VWA3B: variants seen among roughly 807,000 people sequenced by gnomAD.
VWA3B encodes von Willebrand factor A domain containing 3B, also known as von Willebrand factor A domain-containing protein 3B.
A neutral mutation model predicts 158.3 loss-of-function variants in VWA3B; 138 were observed. That is an observed-to-expected ratio of 0.87 (90% CI 0.76 to 1.00). VWA3B has a LOEUF of 1.00. Ranked by LOEUF, VWA3B falls within the 50% of genes least tolerant of loss-of-function variation. VWA3B has a pLI of 0.00. For missense variants in VWA3B, 1,555 were observed against 1,565.1 expected, an observed-to-expected ratio of 0.99 and a Z score of 0.11; for synonymous variants, 596 against 587.3, an observed-to-expected ratio of 1.01 and a Z score of -0.21.
chr2:98,321,678 CA>C, the VWA3B span, among the ~76,000 whole-genome samples: 7 of 152,224 alleles, frequency 4.6e-5, no homozygotes, highest in African/African-American at 1.7e-4. Context: ...TTTGATTATA[CA>C]GGCTCTCAGG....
chr2:98,167,259 T>G, intron 8 of VWA3B, among the ~76,000 whole-genome samples: 1 of 152,030 alleles, frequency 6.6e-6, no homozygotes, highest in East Asian at 1.9e-4. Context: ...AAATGTCTCA[T>G]GAGTCTGGTG....
At chr2:98,162,205 C>T (rs921288784) in intron 7 of VWA3B, among the ~76,000 whole-genome samples, 2 of 124,928 alleles carry the variant, frequency 1.6e-5, no homozygotes, top group Non-Finnish European at 3.2e-5. Flanking sequence ...TCTGTTAGAG[C>T]CTGGATCTCG....
intron 7 of VWA3B, among the ~76,000 whole-genome samples, chr2:98,152,729 G>A (rs902037770): frequency 1.3e-5 from 2 of 152,202 alleles, no homozygotes; most frequent in African/African-American, 2.4e-5. Flanking sequence ...GATGCATCTA[G>A]CTCAGGATCT....
chr2:98,245,610 C>T (rs1341220608), intron 19 of VWA3B: 3 of 456,730 alleles, frequency 6.6e-6, no homozygotes, highest in Admixed American at 4.7e-5. Flanking sequence ...GGAAGTAGAA[C>T]ACTAAGCAGT....
intron 11 of VWA3B, among the ~76,000 whole-genome samples, chr2:98,193,663 C>G (rs985978898): frequency 6.6e-6 from 1 of 151,464 alleles, no homozygotes; most frequent in Non-Finnish European, 1.5e-5. Context: ...TGGTGCCAAC[C>G]CGGCTCACTG....
chr2:98,316,958 T>C (rs1213770011), downstream of VWA3B, among the ~76,000 whole-genome samples: 1 of 152,216 alleles, frequency 6.6e-6, no homozygotes, highest in Non-Finnish European at 1.5e-5. Flanking sequence ...CATGAGCCAA[T>C]TAAACCTCTT....
chr2:98,137,918 C>T (rs528317664), intron 7 of VWA3B, among the ~76,000 whole-genome samples: 1 of 152,236 alleles, frequency 6.6e-6, no homozygotes, highest in East Asian at 1.9e-4. Context: ...AAAAACATTC[C>T]TACTTTTTAA....
chr2:98,313,687 A>G (rs563709109), downstream of VWA3B, among the ~76,000 whole-genome samples: 33 of 152,358 alleles, frequency 2.2e-4, no homozygotes, highest in Admixed American at 5.2e-4. Context: ...AGATGCCAGC[A>G]GACTTGGAAG....
intron 22 of VWA3B, among the ~76,000 whole-genome samples, chr2:98,276,614 G>T (rs1688538688): frequency 1.3e-5 from 2 of 152,022 alleles, no homozygotes; most frequent in African/African-American, 4.8e-5. Flanking sequence ...ACTGCGTTTG[G>T]AGTGGGCTGC....
chr2:98,245,192 C>T (rs1410235017), intron 19 of VWA3B, among the ~76,000 whole-genome samples: 2 of 152,010 alleles, frequency 1.3e-5, no homozygotes, highest in Non-Finnish European at 2.9e-5. Flanking sequence ...TGCATTATAA[C>T]AGTAACAAGT....
chr2:98,181,641 G>A lies in VWA3B; in HGVS notation c.1311+429G>A, dbSNP rs1680588555. Among the ~76,000 whole-genome samples, 4 of 152,140 alleles carry A rather than the reference G, an allele frequency of 2.6e-5. No individual in the cohort carries two copies. In the South Asian group the frequency reaches 6.2e-4, roughly 24 times the overall value. On this transcript the variant is annotated intron_variant, in intron 9 of 27. Transcript: ENST00000477737. Reference sequence around the variant, plus strand: ...TCCAGTGACTAGCAGCCAGCATACAGCGCAATCCCAGCAAATAAGGAGTCA... The same window carrying A: ...TCCAGTGACTAGCAGCCAGCATACAACGCAATCCCAGCAAATAAGGAGTCA...
intron 8 of VWA3B, among the ~76,000 whole-genome samples, chr2:98,169,715 C>CTGTGTGTGTG (rs61535424): frequency 1.1e-4 from 15 of 134,334 alleles, no homozygotes; most frequent in African/African-American, 2.7e-4. Context: ...CCTGGGCATT[C>CTGTGTGTGTG]TGTGTGTGTG....
Position 98,187,950 on chromosome 2 carries a change from C to T in VWA3B, c.1312-25C>T, listed in dbSNP as rs769640391. 83 of 1,579,668 alleles carry T rather than the reference C, an allele frequency of 5.3e-5. 3 individuals are homozygous for T. The South Asian group carries it at 9.6e-4, about 18-fold the overall frequency. ...TTCTCTTTGGACAGTTTCTGAGTGG[C>T]TTCTGTCCTTTGTCATCTCCTTAGG... On this transcript the variant is annotated intron_variant, in intron 9 of 27. Transcript: ENST00000477737.
chr2:98,149,301 CACAA>C (rs1677425301), intron 7 of VWA3B, among the ~76,000 whole-genome samples: 1 of 152,126 alleles, frequency 6.6e-6, no homozygotes, highest in Admixed American at 6.5e-5. Context: ...GGACAAAACT[CACAA>C]ACAAAGCAAG....
chr2:98,270,760 C>A lies in VWA3B; in HGVS notation c.2922C>A (p.Pro974=). ...AGGCTTTAGAACGGTTGAATTGGCC[C>A]ATTTCACTGAAAGAGCTGTCGATGC... ...LNQALERLNW[P]ISLKELSMLE... The change falls in exon 22 of 28, where the codon CCC becomes CCA. Residue 974 remains proline, a synonymous_variant. Transcript: ENST00000477737. 6.2e-7 allele frequency: 1 copy of A among 1,614,138 alleles called. No individual in the cohort carries two copies. Among genetic ancestry groups the A allele is most frequent in the Non-Finnish European group, 8.5e-7 (1 of 1,179,998 alleles).
intron 13 of VWA3B, among the ~76,000 whole-genome samples, chr2:98,216,482 AG>A (rs1484263868): frequency 6.6e-6 from 1 of 152,266 alleles, no homozygotes; most frequent in Non-Finnish European, 1.5e-5. Flanking sequence ...AGGTTGGGGA[AG>A]GTGCAGGGTG....
At chr2:98,319,601 C>G in the VWA3B span, among the ~76,000 whole-genome samples, 1 of 152,112 alleles carries the variant, frequency 6.6e-6, no homozygotes, top group Non-Finnish European at 1.5e-5. Flanking sequence ...AGACTTAGGC[C>G]AGACACAGTG....
chr2:98,128,270 A>T lies in VWA3B; in HGVS notation c.734A>T (p.Asp245Val). 1.2e-6 allele frequency: 2 copies of T among 1,614,092 alleles called. No homozygotes were observed. The highest frequency in any genetic ancestry group is 2.2e-5 in the South Asian group (2 of 91,080). Residue 245 changes from aspartate to valine, a missense_variant, in exon 6 of 28, where the codon GAT becomes GTT. Coordinates refer to ENST00000477737, the MANE Select transcript of VWA3B (RefSeq NM_144992.5). ...IESIYYFVVG[D>V]VPEESKELLL... ...TCCATTTACTACTTTGTGGTGGGGG[A>T]TGTTCCTGAAGAATCCAAGGAGCTT...
intron 8 of VWA3B, among the ~76,000 whole-genome samples, chr2:98,166,469 G>T (rs1679082282): frequency 6.6e-6 from 1 of 152,188 alleles, no homozygotes; most frequent in South Asian, 2.1e-4. Context: ...CTCCCCAGAA[G>T]CACATGGAGG....
Sources: allele counts gnomAD v4.1 joint callset (sites outside exome capture counted in the v4.1 genomes callset), GRCh38; gene constraint gnomAD v4.1.1; transcripts MANE v1.5; gene names NCBI Gene and HGNC (gene_info 2026-07-23, HGNC 2026-07-21).